The following EYA1 variants were observed in gnomAD, a reference collection of about 807,000 sequenced individuals.
The protein encoded by EYA1 is EYA transcriptional coactivator and phosphatase 1.
Under a neutral mutation model 82.0 loss-of-function variants are expected in EYA1, and 16 were observed. The ratio of observed to expected loss-of-function variants is 0.20; its 90% CI spans 0.13 to 0.30. EYA1 has a LOEUF of 0.30. Ranked by LOEUF, EYA1 falls within the 10% of genes least tolerant of loss-of-function variation. The pLI is 1.00. For synonymous variants in EYA1, 261 were observed against 264.4 expected (o/e 0.99, Z 0.12); for missense variants, 633 against 730.7 (o/e 0.87, Z 1.54).
intron 16 of EYA1, among the ~76,000 whole-genome samples, chr8:71,212,851 C>T (rs1401170912): frequency 1.3e-5 from 2 of 152,114 alleles, no homozygotes; most frequent in African/African-American, 2.4e-5. Context: ...AAGGCCAAGG[C>T]AGATCACCTG....
intron 7 of EYA1, among the ~76,000 whole-genome samples, chr8:71,308,569 T>G (rs2129012361): frequency 6.6e-6 from 1 of 152,240 alleles, no homozygotes; most frequent in East Asian, 1.9e-4. Context: ...AAAACTTCTC[T>G]TAATACATCT....
In EYA1 at chr8:71,317,583, A is replaced by G; in HGVS notation, c.525T>C (p.Pro175=). ...SYGTSFSTPQ[P]GQAPYSYQMQ... ...TCTGGTAGCTGTATGGTGCCTGTCC[A>G]GGTTGAGGGGTACTGAAGCTTGTGC... is the stretch of plus-strand genomic sequence containing the variant. The change falls in exon 7 of 18, where the codon CCT becomes CCC. Residue 175 remains proline (P), a synonymous_variant. Coordinates refer to ENST00000340726, the MANE Select transcript of EYA1 (RefSeq NM_000503.6). The G allele has an allele frequency of 6.2e-7, 1 of 1,614,126 alleles. No individual in the cohort carries two copies. The highest frequency in any genetic ancestry group is 8.5e-7 in the Non-Finnish European group (1 of 1,180,002).
At chr8:71,301,962 G>A (rs561751652) in intron 7 of EYA1, among the ~76,000 whole-genome samples, 4 of 151,602 alleles carry the variant, frequency 2.6e-5, no homozygotes, top group Non-Finnish European at 4.4e-5. Flanking sequence ...CATTCTTTAC[G>A]TGCATATCAG....
At chr8:71,236,557 T>TA (rs1203664199) in intron 12 of EYA1, among the ~76,000 whole-genome samples, 2 of 152,132 alleles carry the variant, frequency 1.3e-5, no homozygotes, top group Non-Finnish European at 2.9e-5. Context: ...ATTGTAGTGG[T>TA]AAAAAAACCA....
intron 2 of EYA1, among the ~76,000 whole-genome samples, chr8:71,368,712 A>G (rs1827903470): frequency 6.6e-6 from 1 of 152,122 alleles, no homozygotes; most frequent in South Asian, 2.1e-4. Context: ...CTAAAAATGG[A>G]CACAAATACG....
At chr8:71,329,896 C>G (rs537538408) in intron 4 of EYA1, among the ~76,000 whole-genome samples, 2 of 151,806 alleles carry the variant, frequency 1.3e-5, no homozygotes, top group African/African-American at 4.8e-5. Context: ...TAACCTGATC[C>G]GGTAGAACAG....
At chr8:71,483,706 A>G (rs901524646) in intron 2 of EYA1, among the ~76,000 whole-genome samples, 2 of 152,034 alleles carry the variant, frequency 1.3e-5, no homozygotes, top group Non-Finnish European at 2.9e-5. Context: ...GTATGCAAAC[A>G]TACAGAATAG....
At position 71,429,376 on chromosome 8, in the gene EYA1, T is replaced by C. The variant is rs558450421; in HGVS notation, c.34-72865A>G. 1.5e-4 allele frequency among the ~76,000 whole-genome samples: 23 copies of C among 152,274 alleles called. No homozygotes were observed. The South Asian group carries it at 2.3e-3, about 15-fold the overall frequency. On this transcript the variant is annotated intron_variant, in intron 2 of 18. Coordinates refer to the EYA1 transcript ENST00000643681. ...ACACAATTAAGTTGATTTCAAAAAA[T>C]ATATTTTTAAGAATGTTGCTAAATA...
chr8:71,293,645 T>A (rs1422679038), intron 9 of EYA1, among the ~76,000 whole-genome samples: 1 of 151,964 alleles, frequency 6.6e-6, no homozygotes, highest in Non-Finnish European at 1.5e-5. Flanking sequence ...CATTTGAAAA[T>A]TAATGTAATC....
rs965186900 is a variant in EYA1 at position 71,370,715 on chromosome 8, A to G, written c.34-14204T>C. Among the ~76,000 whole-genome samples the G allele has an allele frequency of 2.6e-5, 4 of 152,102 alleles. No individual in the cohort carries two copies. The South Asian group carries it at 8.3e-4, about 32-fold the overall frequency. ...TGGCTCCCTGCATCCTTGACTTGGC[A>G]GGCTCAACCAATCCTCCTGCCTCAG... On this transcript the variant is annotated intron_variant, in intron 2 of 18. Transcript: ENST00000643681.
At chr8:71,315,750 A>T (rs914063932) in intron 7 of EYA1, among the ~76,000 whole-genome samples, 3 of 152,244 alleles carry the variant, frequency 2.0e-5, no homozygotes, top group African/African-American at 7.2e-5. Flanking sequence ...GCATGTGCAG[A>T]ACAGTTCTTT....
chr8:71,244,170 A>G (rs1250516190), intron 12 of EYA1, among the ~76,000 whole-genome samples: 2 of 152,224 alleles, frequency 1.3e-5, no homozygotes, highest in Non-Finnish European at 2.9e-5. Context: ...GCCAGACTAA[A>G]ACATCTTCCT....
At chr8:71,479,115 G>T (rs1809903204) in intron 2 of EYA1, among the ~76,000 whole-genome samples, 1 of 152,052 alleles carries the variant, frequency 6.6e-6, no homozygotes, top group Non-Finnish European at 1.5e-5. Context: ...TTACCTCTCT[G>T]ACCTCACCTC....
intron 2 of EYA1, among the ~76,000 whole-genome samples, chr8:71,456,605 C>T (rs894230892): frequency 6.6e-6 from 1 of 151,856 alleles, no homozygotes; most frequent in African/African-American, 2.4e-5. Context: ...TAATATCACA[C>T]CATCTACAAC....
chr8:71,256,930 C>T (rs1048781604), intron 11 of EYA1, among the ~76,000 whole-genome samples: 4 of 151,840 alleles, frequency 2.6e-5, no homozygotes, highest in Middle Eastern at 3.4e-3. Flanking sequence ...ACCCGGGAGA[C>T]GGAGGTTGCA....
intron 2 of EYA1, among the ~76,000 whole-genome samples, chr8:71,442,972 A>T (rs1056687628): frequency 1.2e-4 from 18 of 152,222 alleles, no homozygotes; most frequent in Non-Finnish European, 1.5e-5. Context: ...ACATACTCTC[A>T]ACTAATGAGA....
intron 2 of EYA1, among the ~76,000 whole-genome samples, chr8:71,431,890 A>C (rs138050078): frequency 6.6e-6 from 1 of 152,222 alleles, no homozygotes; most frequent in East Asian, 1.9e-4. Flanking sequence ...ATGAAGCCTA[A>C]ATTTGGCAAT....
At chr8:71,299,026 T>C in intron 9 of EYA1, 21 bp downstream of exon 9, 1 of 1,603,014 alleles carries the variant, frequency 6.2e-7, no homozygotes. Context: ...CCTGCAGGAC[T>C]AATAATATTC....
chr8:71,509,826 T>C (rs1812462340), intron 2 of EYA1, among the ~76,000 whole-genome samples: 1 of 152,116 alleles, frequency 6.6e-6, no homozygotes, highest in Non-Finnish European at 1.5e-5. Flanking sequence ...CTGGAGAGCA[T>C]ATTGTCCTGT....
Sources: gnomAD v4.1 joint callset for allele counts (sites outside exome capture counted in the v4.1 genomes callset) on GRCh38, gnomAD v4.1.1 for gene constraint, MANE v1.5 for transcripts, NCBI Gene and HGNC (gene_info 2026-07-23, HGNC 2026-07-21) for gene names.